Variants in RAB38 observed in about 807,000 individuals in gnomAD.
RAB38 encodes RAB38, member RAS oncogene family.
A neutral mutation model predicts 18.4 loss-of-function variants in RAB38; 15 were observed. The observed-to-expected ratio is 0.82, with a 90% CI of 0.55 to 1.26. The LOEUF (loss-of-function observed/expected upper bound fraction) is 1.26, where lower values mean the gene tolerates loss of function less well. Among genes scored for constraint, RAB38 ranks in the 50% most tolerant of loss-of-function variants. The pLI is 0.00. For synonymous variants in RAB38, 101 were observed against 104.4 expected (o/e 0.97, Z 0.20); for missense variants, 294 against 267.4 (o/e 1.10, Z -0.69).
At chr11:88,028,118 G>C in the RAB38 span, among the ~76,000 whole-genome samples, 7 of 152,214 alleles carry the variant, frequency 4.6e-5, no homozygotes, top group Non-Finnish European at 8.8e-5. Flanking sequence ...CACGCAAACA[G>C]GGTCTGGAGT....
the RAB38 span, among the ~76,000 whole-genome samples, chr11:87,937,301 A>G: frequency 9.2e-6 from 1 of 109,252 alleles, no homozygotes; most frequent in African/African-American, 3.7e-5. Context: ...AATAACTTTT[A>G]CTTGGTCATC....
chr11:88,007,518 GC>G, the RAB38 span, among the ~76,000 whole-genome samples: 1 of 151,888 alleles, frequency 6.6e-6, no homozygotes, highest in East Asian at 1.9e-4. Flanking sequence ...TAAATTATTA[GC>G]CAAATGCAAA....
intron 1 of RAB38, among the ~76,000 whole-genome samples, chr11:88,152,938 C>T (rs1374771501): frequency 1.3e-5 from 2 of 152,216 alleles, no homozygotes; most frequent in Non-Finnish European, 2.9e-5. Context: ...TGAAAATAAT[C>T]CACTTCCACA....
the RAB38 span, among the ~76,000 whole-genome samples, chr11:87,972,542 G>A: frequency 6.6e-6 from 1 of 151,842 alleles, no homozygotes; most frequent in Non-Finnish European, 1.5e-5. Context: ...CACATTAACA[G>A]ATTTAAAGGA....
At chr11:87,819,286 A>T in the RAB38 span, among the ~76,000 whole-genome samples, 1 of 152,110 alleles carries the variant, frequency 6.6e-6, no homozygotes, top group Non-Finnish European at 1.5e-5. Context: ...GAGAGTTTTT[A>T]CTTGACTCCT....
At chr11:87,829,563 T>G in the RAB38 span, among the ~76,000 whole-genome samples, 5 of 152,056 alleles carry the variant, frequency 3.3e-5, no homozygotes, top group Non-Finnish European at 7.4e-5. Context: ...TTGTGAGAAC[T>G]CACTCACTAT....
At chr11:87,823,673 T>TC in the RAB38 span, among the ~76,000 whole-genome samples, 35 of 152,162 alleles carry the variant, frequency 2.3e-4, no homozygotes, top group African/African-American at 8.0e-4. Flanking sequence ...AAGTTTTTTT[T>TC]CAACAAATGG....
At chr11:88,026,665 A>C in the RAB38 span, among the ~76,000 whole-genome samples, 1 of 151,166 alleles carries the variant, frequency 6.6e-6, no homozygotes, top group East Asian at 2.0e-4. Context: ...GACATGAGCC[A>C]CTGCACCCGG....
At chr11:87,877,056 G>A in the RAB38 span, among the ~76,000 whole-genome samples, 1 of 151,494 alleles carries the variant, frequency 6.6e-6, no homozygotes, top group Non-Finnish European at 1.5e-5. Context: ...ATTCATGAGT[G>A]GTCTTGTGTA....
the RAB38 span, among the ~76,000 whole-genome samples, chr11:87,837,715 C>A: frequency 1.3e-5 from 2 of 152,286 alleles, no homozygotes; most frequent in African/African-American, 4.8e-5. Context: ...AACTAAGGAT[C>A]AAGCAAACTA....
At chr11:87,819,346 G>A in the RAB38 span, among the ~76,000 whole-genome samples, 1 of 152,136 alleles carries the variant, frequency 6.6e-6, no homozygotes. Flanking sequence ...TGCAGATGTA[G>A]TGCTACCAAG....
chr11:87,871,404 G>A, the RAB38 span, among the ~76,000 whole-genome samples: 11 of 151,600 alleles, frequency 7.3e-5, no homozygotes, highest in Non-Finnish European at 1.0e-4. Flanking sequence ...TATATGTTAC[G>A]TGATAAGATT....
chr11:88,087,300 A>G, the RAB38 span, among the ~76,000 whole-genome samples: 1 of 151,954 alleles, frequency 6.6e-6, no homozygotes, highest in East Asian at 1.9e-4. Context: ...ATACTTTATC[A>G]TAGAGAATGT....
At chr11:87,862,423 T>C in the RAB38 span, among the ~76,000 whole-genome samples, 150 of 151,654 alleles carry the variant, frequency 9.9e-4, no homozygotes, top group African/African-American at 3.5e-3. Flanking sequence ...AAACCAGATA[T>C]GGAATGTTCT....
At chr11:88,070,826 G>A in the RAB38 span, among the ~76,000 whole-genome samples, 1 of 152,096 alleles carries the variant, frequency 6.6e-6, no homozygotes, top group African/African-American at 2.4e-5. Context: ...TTGCAAGACA[G>A]CAAGAACTAC....
the RAB38 span, among the ~76,000 whole-genome samples, chr11:87,948,617 T>G: frequency 6.6e-6 from 1 of 152,040 alleles, no homozygotes. Flanking sequence ...GGTTCTTGAA[T>G]TTTGTGAAAG....
the RAB38 span, among the ~76,000 whole-genome samples, chr11:87,921,432 G>A: frequency 3.3e-5 from 5 of 151,910 alleles, no homozygotes; most frequent in African/African-American, 1.2e-4. Flanking sequence ...CATGTTCAAG[G>A]TAGGCTCGGC....
At chr11:87,902,594 T>G in the RAB38 span, among the ~76,000 whole-genome samples, 1 of 151,470 alleles carries the variant, frequency 6.6e-6, no homozygotes, top group Non-Finnish European at 1.5e-5. Context: ...AAACATGAGT[T>G]TGAGTAGAAG....
chr11:87,974,526 C>T, the RAB38 span, among the ~76,000 whole-genome samples: 1 of 151,598 alleles, frequency 6.6e-6, no homozygotes, highest in East Asian at 1.9e-4. Flanking sequence ...AATAAAACCT[C>T]AGGAAAAATA....
Sources: allele counts gnomAD v4.1 joint callset (sites outside exome capture counted in the v4.1 genomes callset), GRCh38; gene constraint gnomAD v4.1.1; transcripts MANE v1.5; gene names NCBI Gene and HGNC (gene_info 2026-07-23, HGNC 2026-07-21).